RNF115: variants seen among roughly 807,000 people sequenced by gnomAD.
RNF115 encodes the protein E3 ubiquitin-protein ligase RNF115.
Under a neutral mutation model 39.2 loss-of-function variants are expected in RNF115, and 31 were observed. That is an observed-to-expected ratio of 0.79 (90% CI 0.59 to 1.07). The LOEUF (loss-of-function observed/expected upper bound fraction) is 1.07, where lower values mean the gene tolerates loss of function less well. RNF115 is among the 50% of genes least tolerant of loss of function. The pLI is 0.00. For missense variants in RNF115, 384 were observed against 381.7 expected (o/e 1.01, Z -0.05); for synonymous variants, 124 against 131.0 (o/e 0.95, Z 0.37).
intron 3 of RNF115, among the ~76,000 whole-genome samples, chr1:145,774,257 G>A (rs1647777245): frequency 6.7e-6 from 1 of 150,258 alleles, no homozygotes; most frequent in South Asian, 2.1e-4. Flanking sequence ...ATCTTGTCAT[G>A]TAATATTTAC....
At chr1:145,758,827 G>C (rs1553713535) in intron 4 of RNF115, among the ~76,000 whole-genome samples, 2 of 152,184 alleles carry the variant, frequency 1.3e-5, no homozygotes, top group African/African-American at 4.8e-5. Flanking sequence ...GCTGAGGGTG[G>C]CCCCAATGCA....
At chr1:145,752,370 G>A (rs1303316769) in intron 5 of RNF115, among the ~76,000 whole-genome samples, 2 of 151,944 alleles carry the variant, frequency 1.3e-5, no homozygotes, top group Non-Finnish European at 2.9e-5. Context: ...TACCAAGCCT[G>A]GCAGGGACCA....
chr1:145,823,868 C>T lies in RNF115; in HGVS notation c.6G>A (p.Ala2=), dbSNP rs1553724977. M[A]EASAAGADSG... Reference sequence around the variant, plus strand: ...AGTCCGCCCCGGCCGCCGAAGCCTCCGCCATTTTTGCCCTCCGCCGCGGCC... The same window carrying T: ...AGTCCGCCCCGGCCGCCGAAGCCTCTGCCATTTTTGCCCTCCGCCGCGGCC... Residue 2 remains alanine (A), a synonymous_variant, in exon 1 of 9, where the codon GCG becomes GCA. Transcript: ENST00000582693. 1.3e-6 allele frequency: 2 copies of T among 1,546,504 alleles called. No individual in the cohort carries two copies. The highest frequency in any genetic ancestry group is 8.7e-7 in the Non-Finnish European group (1 of 1,149,690).
intron 1 of RNF115, among the ~76,000 whole-genome samples, chr1:145,794,400 T>G (rs1648837218): frequency 6.6e-6 from 1 of 152,054 alleles, no homozygotes; most frequent in African/African-American, 2.4e-5. Flanking sequence ...GGACTTCTTT[T>G]GATTCTTTGA....
chr1:145,759,058 T>C (rs1280413414), intron 4 of RNF115, among the ~76,000 whole-genome samples: 4 of 152,144 alleles, frequency 2.6e-5, no homozygotes, highest in Non-Finnish European at 5.9e-5. Flanking sequence ...AGTCTTCACA[T>C]AGTTTCCAGA....
intron 4 of RNF115, among the ~76,000 whole-genome samples, chr1:145,764,632 C>T (rs1205131768): frequency 1.4e-5 from 2 of 142,552 alleles, no homozygotes; most frequent in African/African-American, 5.3e-5. Flanking sequence ...AGTGAGGAGC[C>T]CCTCCACCCG....
At chr1:145,786,413 TAAG>T (rs1648382671) in intron 2 of RNF115, among the ~76,000 whole-genome samples, 1 of 152,204 alleles carries the variant, frequency 6.6e-6, no homozygotes, top group Non-Finnish European at 1.5e-5. Flanking sequence ...ACAAGGATTC[TAAG>T]AAAAAGATTT....
At chr1:145,808,712 G>A (rs587614218) in intron 1 of RNF115, among the ~76,000 whole-genome samples, 4 of 152,046 alleles carry the variant, frequency 2.6e-5, no homozygotes, top group South Asian at 4.2e-4. Context: ...TCAAACCAAC[G>A]AGGCTAAGAT....
intron 2 of RNF115, among the ~76,000 whole-genome samples, chr1:145,785,066 A>G (rs937095827): frequency 2.6e-5 from 4 of 152,290 alleles, no homozygotes; most frequent in Middle Eastern, 3.4e-3. Context: ...TTATAAAAGG[A>G]TTCAATAAAT....
chr1:145,808,974 C>A (rs1649578469), intron 1 of RNF115, among the ~76,000 whole-genome samples: 2 of 152,102 alleles, frequency 1.3e-5, no homozygotes, highest in African/African-American at 4.8e-5. Flanking sequence ...AGTAACTCTG[C>A]CTACAAAGCC....
At chr1:145,761,586 C>T (rs1050079811) in intron 4 of RNF115, among the ~76,000 whole-genome samples, 5 of 152,228 alleles carry the variant, frequency 3.3e-5, no homozygotes, top group Non-Finnish European at 7.3e-5. Flanking sequence ...GTTTGGGAAC[C>T]TCCGCCTAGA....
chr1:145,764,119 T>C (rs1658646802), intron 4 of RNF115, among the ~76,000 whole-genome samples: 1 of 152,220 alleles, frequency 6.6e-6, no homozygotes, highest in African/African-American at 2.4e-5. Flanking sequence ...TTTCGCTGTG[T>C]TGGCCGGGCT....
At chr1:145,789,711 T>A (rs1648572350) in intron 1 of RNF115, among the ~76,000 whole-genome samples, 1 of 139,822 alleles carries the variant, frequency 7.2e-6, no homozygotes. Flanking sequence ...TTTTTTTTTT[T>A]TTTTTTTTTT....
intron 3 of RNF115, among the ~76,000 whole-genome samples, chr1:145,778,219 A>G (rs782039224): frequency 1.2e-4 from 18 of 152,362 alleles, no homozygotes; most frequent in South Asian, 2.1e-4. Flanking sequence ...ATTAGAAAAG[A>G]GTCAGTCACA....
At chr1:145,765,883 GAA>G (rs1647231675) in intron 4 of RNF115, among the ~76,000 whole-genome samples, 1 of 152,124 alleles carries the variant, frequency 6.6e-6, no homozygotes. Flanking sequence ...AAAAGTCAAA[GAA>G]AATGGACCTC....
intron 1 of RNF115, among the ~76,000 whole-genome samples, chr1:145,815,031 CCTTT>C (rs1380689407): frequency 6.6e-6 from 1 of 152,262 alleles, no homozygotes; most frequent in African/African-American, 2.4e-5. Flanking sequence ...CTCTCTGGGA[CCTTT>C]CTAAGAATCA....
intron 3 of RNF115, among the ~76,000 whole-genome samples, chr1:145,783,751 T>C (rs868977582): frequency 2.0e-5 from 3 of 152,154 alleles, no homozygotes; most frequent in African/African-American, 4.8e-5. Flanking sequence ...TTCTGGGTTG[T>C]AGTCTCTAAA....
At chr1:145,755,999 A>G (rs991767108) in intron 4 of RNF115, among the ~76,000 whole-genome samples, 3 of 152,194 alleles carry the variant, frequency 2.0e-5, no homozygotes, top group Non-Finnish European at 4.4e-5. Flanking sequence ...AAGGAAGAAC[A>G]GTTAAACAAA....
Position 145,774,147 on chromosome 1 carries a change from T to A in RNF115, c.220-2228A>T, listed in dbSNP as rs114880516. ...GGTGTTTGGTGTTTCTGCAGAGGGATGACCCACAGAAGTCCTACTCTACCA... is the reference window on the plus strand; with the variant it reads ...GGTGTTTGGTGTTTCTGCAGAGGGAAGACCCACAGAAGTCCTACTCTACCA... On this transcript the variant is annotated intron_variant, in intron 3 of 8. Coordinates refer to ENST00000582693, the MANE Select transcript of RNF115 (RefSeq NM_014455.4). 1.4e-3 allele frequency among the ~76,000 whole-genome samples: 207 copies of A among 152,284 alleles called. 2 individuals carry two copies. Among genetic ancestry groups the A allele is most frequent in the African/African-American group, 4.6e-3 (193 of 41,558 alleles).
Sources: allele counts gnomAD v4.1 joint callset (sites outside exome capture counted in the v4.1 genomes callset), GRCh38; gene constraint gnomAD v4.1.1; transcripts MANE v1.5; gene names NCBI Gene and HGNC (gene_info 2026-07-23, HGNC 2026-07-21).